The following SLC4A8 variants were observed in gnomAD, a reference collection of about 807,000 sequenced individuals.
SLC4A8 encodes electroneutral sodium bicarbonate exchanger 1.
Under a neutral mutation model 125.0 loss-of-function variants are expected in SLC4A8, and 40 were observed. The observed-to-expected ratio is 0.32, with a 90% CI of 0.25 to 0.42. The LOEUF (loss-of-function observed/expected upper bound fraction) is 0.42, where lower values mean the gene tolerates loss of function less well. Among genes scored for constraint, SLC4A8 ranks in the 10% least tolerant of loss-of-function variants. The pLI, the probability that SLC4A8 is intolerant of heterozygous loss-of-function variation, is 1.00. For synonymous variants in SLC4A8, 456 were observed against 476.0 expected, an observed-to-expected ratio of 0.96 and a Z score of 0.55; for missense variants, 863 against 1,355.1, an observed-to-expected ratio of 0.64 and a Z score of 5.70.
intron 22 of SLC4A8, among the ~76,000 whole-genome samples, chr12:51,498,424 C>T (rs185507366): frequency 3.3e-5 from 5 of 151,868 alleles, no homozygotes; most frequent in Admixed American, 1.3e-4. Flanking sequence ...GATTGTGCAG[C>T]ATCTGGATTT....
In SLC4A8 at chr12:51,471,339, G is replaced by T. The variant is rs773896386; in HGVS notation, c.1711G>T (p.Ala571Ser). The change falls in exon 14 of 25, where the codon GCT becomes TCT. Residue 571 changes from alanine (A) to serine (S), a missense_variant. Physicochemically the swap from Ala to Ser is moderately conservative, Grantham distance 99. This residue lies in a region of SLC4A8 where 390 missense variants were observed against 634.4 expected (regional missense o/e 0.61). Coordinates refer to ENST00000453097, the MANE Select transcript of SLC4A8 (RefSeq NM_001039960.3). The stretch of plus-strand genomic sequence containing the variant: ...GCGAGCTTGTATTGGACTGTGGACC[G>T]CTTTCCTGTGTATTGTCCTTGTGGC... ...SLRACIGLWT[A>S]FLCIVLVATD... 1 of 1,613,830 alleles carries T rather than the reference G, an allele frequency of 6.2e-7. No individual in the cohort carries two copies. Among genetic ancestry groups the T allele is most frequent in the Non-Finnish European group, 8.5e-7 (1 of 1,179,922 alleles).
intron 5 of SLC4A8, 27 bp downstream of exon 5, chr12:51,453,726 C>G: frequency 4.4e-6 from 7 of 1,594,346 alleles, no homozygotes; most frequent in Non-Finnish European, 6.0e-6. Context: ...GAAAACAGAG[C>G]AACTTTCTTA....
Position 51,508,351 on chromosome 12 carries a change from G to A in SLC4A8, c.*913G>A, listed in dbSNP as rs1009198422. The A allele has an allele frequency of 3.9e-5, 6 of 152,646 alleles. No individual in the cohort carries two copies. Among genetic ancestry groups the A allele is most frequent in the African/African-American group, 1.4e-4 (6 of 41,450 alleles). 9.5% of individuals were successfully genotyped at this position (152,646 alleles called of 1,614,324 possible). On this transcript the variant is annotated 3_prime_UTR_variant, in exon 25 of 25. Transcript: ENST00000453097. ...CTTTCTAGATATCTGGGAAAGATTT[G>A]ATAATAGTTGTTTGTGAATAGAAAG... is the stretch of plus-strand genomic sequence containing the variant.
In SLC4A8 at chr12:51,505,892, A is replaced by G; in HGVS notation, c.3231A>G (p.Lys1077=). 1.9e-6 allele frequency: 3 copies of G among 1,586,292 alleles called. No homozygotes were observed. In the South Asian group the frequency reaches 3.4e-5, roughly 18 times the overall value. Residue 1077 remains lysine, a synonymous_variant, in exon 24 of 25, where the codon AAA becomes AAG. Transcript: ENST00000453097. Reference sequence around the variant, plus strand: ...AAATGCCTAAAACTACAGTTTGGAAAGCTCTCAGTATGAATTCTGGAAATG... The same window carrying G: ...AAATGCCTAAAACTACAGTTTGGAAGGCTCTCAGTATGAATTCTGGAAATG... ...SDEMPKTTVW[K]ALSMNSGNAK... is the part of the protein sequence containing the mutation.
chr12:51,478,028 G>C (rs529849891), intron 16 of SLC4A8, among the ~76,000 whole-genome samples: 1 of 152,148 alleles, frequency 6.6e-6, no homozygotes, highest in Non-Finnish European at 1.5e-5. Flanking sequence ...TGTAATCCCA[G>C]AACTTGGGAG....
At chr12:51,442,298 T>A (rs1245191382) in intron 2 of SLC4A8, among the ~76,000 whole-genome samples, 1 of 152,220 alleles carries the variant, frequency 6.6e-6, no homozygotes, top group East Asian at 1.9e-4. Context: ...TCTGTTCTGA[T>A]AATCATGTGG....
rs1340818313 is a variant in SLC4A8 at position 51,509,732 on chromosome 12, T to C, written c.*2294T>C. 6.6e-6 allele frequency: 1 copy of C among 152,204 alleles called. No individual in the cohort carries two copies. The highest frequency in any genetic ancestry group is 2.4e-5 in the African/African-American group (1 of 41,434). The allele number at this position is 152,204 out of a possible 1,614,324, so 9.4% of individuals were successfully genotyped here. On this transcript the variant is annotated 3_prime_UTR_variant, in exon 25 of 25. Transcript: ENST00000453097. ...CTTGAGGGGAGGAGCCTTCATTAAC[T>C]CTGTGTAGTGCAGGTACAGGACCAC...
chr12:51,416,657 C>A (rs570502388), intron 1 of SLC4A8, among the ~76,000 whole-genome samples: 102 of 152,064 alleles, frequency 6.7e-4, no homozygotes, highest in African/African-American at 2.4e-3. Context: ...CAAAACAAAA[C>A]AAAACAAGGA....
intron 1 of SLC4A8, among the ~76,000 whole-genome samples, chr12:51,392,354 A>T (rs12580738): frequency 6.6e-6 from 1 of 151,974 alleles, no homozygotes; most frequent in Non-Finnish European, 1.5e-5. Flanking sequence ...CGGGCGGATC[A>T]CAAGGTTAGG....
chr12:51,465,799 A>T (rs1348608246), intron 11 of SLC4A8, among the ~76,000 whole-genome samples: 1 of 152,178 alleles, frequency 6.6e-6, no homozygotes, highest in East Asian at 1.9e-4. Context: ...AGAGAATCAC[A>T]TTTCCAGGCC....
chr12:51,481,882 A>C (rs1565811581), intron 16 of SLC4A8, among the ~76,000 whole-genome samples: 1 of 152,028 alleles, frequency 6.6e-6, no homozygotes, highest in Non-Finnish European at 1.5e-5. Flanking sequence ...GAGGCCAGGG[A>C]GGTCAAAGCT....
At chr12:51,413,326 A>G (rs1948626974) in intron 1 of SLC4A8, among the ~76,000 whole-genome samples, 1 of 152,054 alleles carries the variant, frequency 6.6e-6, no homozygotes, top group Admixed American at 6.6e-5. Context: ...TCCTTGTTGG[A>G]TGAATAGTTT....
At chr12:51,403,245 T>C (rs1257855462) in intron 1 of SLC4A8, 1 of 456,852 alleles carries the variant, frequency 2.2e-6, no homozygotes, top group Admixed American at 2.3e-5. Flanking sequence ...CTTTACTGAG[T>C]TGGGGCCACT....
chr12:51,407,474 G>A (rs974688349), intron 1 of SLC4A8, among the ~76,000 whole-genome samples: 3 of 148,786 alleles, frequency 2.0e-5, no homozygotes, highest in African/African-American at 7.4e-5. Context: ...TCCCTATGTT[G>A]CCAAGGCTGG....
At chr12:51,453,442 T>G (rs1185392821) in intron 4 of SLC4A8, 97 bp from the exon 5 acceptor site, 13 of 1,239,260 alleles carry the variant, frequency 1.0e-5, no homozygotes, top group Non-Finnish European at 1.5e-5. Context: ...TCAGTATGAC[T>G]ATCCAGATAT....
upstream of SLC4A8, chr12:51,424,660 C>G: frequency 2.5e-6 from 1 of 395,146 alleles, no homozygotes; most frequent in Non-Finnish European, 4.6e-6. Context: ...GCCCAGAGGC[C>G]CCTGAAGGGA....
chr12:51,459,877 G>C lies in SLC4A8; in HGVS notation c.856-74G>C, dbSNP rs1771945361. 10 of 1,346,570 alleles carry C rather than the reference G, an allele frequency of 7.4e-6. No individual in the cohort carries two copies. The East Asian group carries it at 1.6e-4, about 22-fold the overall frequency. The allele number at this position is 1,346,570 out of a possible 1,614,324, so 83.4% of individuals were successfully genotyped here. On this transcript the variant is annotated intron_variant, in intron 7 of 24. Transcript: ENST00000453097. ...TAGTGAGACTCTGTCTCAAAAAAAAGTAAATAAAAAATTTAAAAACGATAT... is the reference window on the plus strand; with the variant it reads ...TAGTGAGACTCTGTCTCAAAAAAAACTAAATAAAAAATTTAAAAACGATAT...
In SLC4A8 at chr12:51,460,013, A is replaced by C; in HGVS notation, c.918A>C (p.Gly306=). The change falls in exon 8 of 25, where the codon GGA becomes GGC. Residue 306 remains glycine, a synonymous_variant. Coordinates refer to ENST00000453097, the MANE Select transcript of SLC4A8 (RefSeq NM_001039960.3). ...TGAEASNVLV[G]EVDILDRPIV... ...CCGAGGCCTCCAATGTCCTGGTTGGAGAGGTGGATATTTTGGACCGTCCCA... is the reference window on the plus strand; with the variant it reads ...CCGAGGCCTCCAATGTCCTGGTTGGCGAGGTGGATATTTTGGACCGTCCCA... 1 of 1,613,332 alleles carries C rather than the reference A, an allele frequency of 6.2e-7. No homozygotes were observed. The highest frequency in any genetic ancestry group is 8.5e-7 in the Non-Finnish European group (1 of 1,179,268).
intron 22 of SLC4A8, among the ~76,000 whole-genome samples, chr12:51,499,182 A>G (rs556974626): frequency 6.6e-6 from 1 of 152,300 alleles, no homozygotes; most frequent in Non-Finnish European, 1.5e-5. Context: ...CTTTGTCTCA[A>G]AAAAATAAAA....
Sources: gnomAD v4.1 joint callset for allele counts (sites outside exome capture counted in the v4.1 genomes callset) on GRCh38, gnomAD v4.1.1 for gene constraint, gnomAD v4.1.1 regional missense constraint, MANE v1.5 for transcripts, NCBI Gene and HGNC (gene_info 2026-07-23, HGNC 2026-07-21) for gene names.